Variants in NF1 observed in about 807,000 individuals in gnomAD.
The protein encoded by NF1 is neurofibromin.
In NF1, 122 loss-of-function variants were observed where a neutral mutation model predicts 325.7. The observed-to-expected ratio is 0.37, with a 90% CI of 0.32 to 0.44. The LOEUF (loss-of-function observed/expected upper bound fraction) is 0.44, where lower values mean the gene tolerates loss of function less well. Ranked by LOEUF, NF1 falls within the 20% of genes least tolerant of loss-of-function variation. NF1 has a pLI of 1.00. For missense variants in NF1, 2,140 were observed against 3,415.4 expected, an observed-to-expected ratio of 0.63 and a Z score of 9.31; for synonymous variants, 1,091 against 1,186.0, an observed-to-expected ratio of 0.92 and a Z score of 1.65.
intron 1 of NF1, 133 bp downstream of exon 1, chr17:31,095,502 A>C: frequency 2.3e-5 from 11 of 469,442 alleles, no homozygotes; most frequent in East Asian, 2.2e-4. Flanking sequence ...AGGGAAGAGA[A>C]GGGAAGGGGG....
At chr17:31,302,056 C>A (rs1174432372) in intron 36 of NF1, among the ~76,000 whole-genome samples, 1 of 152,136 alleles carries the variant, frequency 6.6e-6, no homozygotes, top group Non-Finnish European at 1.5e-5. Context: ...TTTGGCTGCT[C>A]AGCTTCCACT....
chr17:31,232,622 G>T, intron 25 of NF1, 78 bp from the exon 26 acceptor site: 1 of 1,352,586 alleles, frequency 7.4e-7, no homozygotes, highest in Admixed American at 1.7e-5. Context: ...ATGCACATAT[G>T]ATTGTTTTGG....
intron 47 of NF1, among the ~76,000 whole-genome samples, chr17:31,340,861 CA>C (rs1023670000): frequency 1.3e-3 from 156 of 119,990 alleles, no homozygotes; most frequent in Middle Eastern, 4.7e-3. Flanking sequence ...AAAAAAAAAA[CA>C]AAAAAAAAAC....
At chr17:31,330,044 C>T (rs986346927) in intron 38 of NF1, among the ~76,000 whole-genome samples, 31 of 152,110 alleles carry the variant, frequency 2.0e-4, no homozygotes, top group Admixed American at 1.3e-4. Flanking sequence ...TATACCCCGC[C>T]CCTCTGTCAT....
chr17:31,338,919 A>C (rs2069751175), intron 46 of NF1, 114 bp downstream of exon 46: 2 of 751,360 alleles, frequency 2.7e-6, no homozygotes, highest in African/African-American at 1.8e-5. Context: ...TAAAGAAAAA[A>C]CTATAGTTAA....
intron 5 of NF1, among the ~76,000 whole-genome samples, chr17:31,177,643 G>A (rs2066048054): frequency 6.6e-6 from 1 of 151,944 alleles, no homozygotes; most frequent in South Asian, 2.1e-4. Flanking sequence ...ACGAATTGCT[G>A]ACTAGAATAA....
At chr17:31,301,235 C>G (rs1567881949) in intron 36 of NF1, among the ~76,000 whole-genome samples, 1 of 151,864 alleles carries the variant, frequency 6.6e-6, no homozygotes, top group Non-Finnish European at 1.5e-5. Flanking sequence ...AGGTTTTTTC[C>G]CGCTTCCAGA....
At chr17:31,104,657 G>A (rs17884976) in intron 1 of NF1, among the ~76,000 whole-genome samples, 212 of 152,256 alleles carry the variant, frequency 1.4e-3, no homozygotes, top group Non-Finnish European at 2.5e-3. Flanking sequence ...GTGGTTTTAC[G>A]TTGTAGTGAC....
In NF1 at chr17:31,358,465, T is replaced by C; in HGVS notation, c.7971-15T>C. 1 of 1,611,506 alleles carries C rather than the reference T, an allele frequency of 6.2e-7. No homozygotes were observed. Among genetic ancestry groups the C allele is most frequent in the Non-Finnish European group, 8.5e-7 (1 of 1,178,982 alleles). Reference sequence around the variant, plus strand: ...CCTCTAAAATGTTCCTCTGTTGACTTTTTTTTTCTTTTAGGCATAATTTGT... The same window carrying C: ...CCTCTAAAATGTTCCTCTGTTGACTCTTTTTTTCTTTTAGGCATAATTTGT... On this transcript the variant is annotated splice_polypyrimidine_tract_variant and intron_variant, in intron 54 of 57. Transcript: ENST00000358273.
intron 1 of NF1, among the ~76,000 whole-genome samples, chr17:31,106,252 A>C (rs1912852616): frequency 6.6e-6 from 1 of 152,212 alleles, no homozygotes; most frequent in Non-Finnish European, 1.5e-5. Context: ...AATGGGCATG[A>C]TACTTACCCT....
chr17:31,350,123 T>C, intron 49 of NF1, 60 bp from the exon 50 acceptor site: 1 of 1,591,794 alleles, frequency 6.3e-7, no homozygotes, highest in Non-Finnish European at 8.6e-7. Context: ...AAGTTCATCC[T>C]GTTTTAAGTC....
chr17:31,228,877 G>A lies in NF1; in HGVS notation c.2410-148G>A, dbSNP rs572162494. Reference sequence around the variant, plus strand: ...AATAGATCAGTGGCTCTTTAAAAATGTATATGGTAATTTTATGGGTTGATT... The same window carrying A: ...AATAGATCAGTGGCTCTTTAAAAATATATATGGTAATTTTATGGGTTGATT... On this transcript the variant is annotated intron_variant, in intron 20 of 57. Coordinates refer to ENST00000358273, the MANE Select transcript of NF1 (RefSeq NM_001042492.3). 140 of 638,760 alleles carry A rather than the reference G, an allele frequency of 2.2e-4. No individual in the cohort carries two copies. The African/African-American group carries it at 2.3e-3, about 10-fold the overall frequency. 39.6% of individuals were successfully genotyped at this position (638,760 alleles called of 1,614,324 possible).
At chr17:31,312,377 G>T (rs1476998869) in intron 36 of NF1, among the ~76,000 whole-genome samples, 1 of 152,000 alleles carries the variant, frequency 6.6e-6, no homozygotes, top group Non-Finnish European at 1.5e-5. Flanking sequence ...CAGGCGTGGT[G>T]GTGGGTGCCT....
chr17:31,234,553 A>G (rs562291560), intron 27 of NF1, among the ~76,000 whole-genome samples: 4 of 151,444 alleles, frequency 2.6e-5, no homozygotes, highest in East Asian at 2.0e-4. Flanking sequence ...GCAGGTGCCA[A>G]TAGTCCCAGC....
chr17:31,105,149 C>CT (rs1597564062), intron 1 of NF1, among the ~76,000 whole-genome samples: 1 of 152,034 alleles, frequency 6.6e-6, no homozygotes, highest in African/African-American at 2.4e-5. Flanking sequence ...GTCTTCCCAC[C>CT]TGGCTTCCCA....
At chr17:31,185,980 G>A (rs2066231464) in intron 8 of NF1, among the ~76,000 whole-genome samples, 1 of 152,130 alleles carries the variant, frequency 6.6e-6, no homozygotes, top group Non-Finnish European at 1.5e-5. Flanking sequence ...ACCTGTTACT[G>A]GGCTTTGGTG....
intron 9 of NF1, 119 bp from the exon 10 acceptor site, chr17:31,200,918 T>G (rs1031117006): frequency 1.4e-6 from 2 of 1,403,918 alleles, no homozygotes; most frequent in Non-Finnish European, 2.0e-6. Flanking sequence ...TTTGTGCTTC[T>G]TCTGGCAGCT....
intron 38 of NF1, among the ~76,000 whole-genome samples, chr17:31,330,075 A>G (rs1336190315): frequency 6.6e-6 from 1 of 152,134 alleles, no homozygotes; most frequent in Non-Finnish European, 1.5e-5. Flanking sequence ...CAGTGCTCTT[A>G]TGGTTATATC....
intron 36 of NF1, among the ~76,000 whole-genome samples, chr17:31,268,687 A>G (rs1373380390): frequency 6.7e-6 from 1 of 149,168 alleles, no homozygotes; most frequent in East Asian, 2.0e-4. Context: ...GTTCTTAGGT[A>G]TGTGTTTTAA....
Sources: gnomAD v4.1 joint callset for allele counts (sites outside exome capture counted in the v4.1 genomes callset) on GRCh38, gnomAD v4.1.1 for gene constraint, MANE v1.5 for transcripts, NCBI Gene and HGNC (gene_info 2026-07-23, HGNC 2026-07-21) for gene names.